The following ZNF248 variants were observed in gnomAD, a reference collection of about 807,000 sequenced individuals.
The protein encoded by ZNF248 is zinc finger protein 248.
In ZNF248, 20 loss-of-function variants were observed where a neutral mutation model predicts 44.3. The observed-to-expected ratio is 0.45, with a 90% CI of 0.32 to 0.66. The LOEUF (loss-of-function observed/expected upper bound fraction) is 0.66. ZNF248 is among the 30% of genes least tolerant of loss of function. The probability of loss-of-function intolerance (pLI) is 0.04; values close to 1 mark genes in which losing one functional copy is unlikely to be tolerated. For missense variants in ZNF248, 654 were observed against 677.0 expected (o/e 0.97, Z 0.38); for synonymous variants, 224 against 229.0 (o/e 0.98, Z 0.20).
At chr10:37,844,665 A>T (rs1478518445) in intron 3 of ZNF248, among the ~76,000 whole-genome samples, 1 of 152,204 alleles carries the variant, frequency 6.6e-6, no homozygotes, top group African/African-American at 2.4e-5. Context: ...TATTTAAACT[A>T]GATTGTTATA....
the ZNF248 span, among the ~76,000 whole-genome samples, chr10:37,765,143 G>T: frequency 6.5e-3 from 993 of 152,068 alleles, 8 homozygotes; most frequent in African/African-American, 0.021. Context: ...TTTTAGTAGA[G>T]ACAGGGTTTC....
the ZNF248 span, among the ~76,000 whole-genome samples, chr10:37,770,644 T>C: frequency 2.0e-5 from 3 of 152,164 alleles, no homozygotes; most frequent in Non-Finnish European, 4.4e-5. Flanking sequence ...AAGACTTACA[T>C]GTTAGACCTA....
rs779953370 is a variant in ZNF248, at chr10:37,831,622, G to A, written c.1733C>T (p.Thr578Ile). 6.2e-7 allele frequency: 1 copy of A among 1,612,316 alleles called. No individual in the cohort carries two copies. Among genetic ancestry groups the A allele is most frequent in the South Asian group, 1.1e-5 (1 of 91,028 alleles). ...TATGAAGGCTTCTAACATTCAGGAT[G>A]TTGAAAGAGCTTTCACCCTTGTGTG... Reference protein sequence around the residue: ...RIHTRVKALSTS With the variant: ...RIHTRVKALSIS The change falls in exon 6 of 6, where the codon ACA becomes ATA. Residue 578 changes from threonine to isoleucine, a missense_variant. Coordinates refer to ENST00000395867, the MANE Select transcript of ZNF248 (RefSeq NM_021045.3).
intron 6 of ZNF248, among the ~76,000 whole-genome samples, chr10:37,778,221 C>T (rs1409210517): frequency 1.1e-4 from 16 of 151,218 alleles, no homozygotes; most frequent in South Asian, 2.1e-4. Context: ...TTTTAATGAT[C>T]GCCATTCTAA....
intron 5 of ZNF248, among the ~76,000 whole-genome samples, chr10:37,834,815 G>C (rs1047954690): frequency 1.3e-5 from 2 of 152,252 alleles, no homozygotes; most frequent in East Asian, 1.9e-4. Flanking sequence ...AACAAGAACG[G>C]AAGTTTTCCA....
intron 6 of ZNF248, chr10:37,820,613 G>A: frequency 6.3e-7 from 1 of 1,575,796 alleles, no homozygotes; most frequent in Non-Finnish European, 8.7e-7. Context: ...TCCCCCAGCA[G>A]TGCCTTTCCC....
At chr10:37,822,270 G>C (rs544909712) in intron 6 of ZNF248, among the ~76,000 whole-genome samples, 2 of 152,064 alleles carry the variant, frequency 1.3e-5, no homozygotes, top group Non-Finnish European at 2.9e-5. Context: ...CACAAACTGC[G>C]TATCAATTTC....
At chr10:37,793,060 G>A (rs538155662) in intron 6 of ZNF248, among the ~76,000 whole-genome samples, 4 of 152,114 alleles carry the variant, frequency 2.6e-5, no homozygotes, top group African/African-American at 7.2e-5. Context: ...TTGGCCGGGC[G>A]CGGTGGCTCA....
At chr10:37,845,204 T>C (rs191044468) in intron 3 of ZNF248, among the ~76,000 whole-genome samples, 1 of 151,818 alleles carries the variant, frequency 6.6e-6, no homozygotes, top group African/African-American at 2.4e-5. Flanking sequence ...GTATTTTTTG[T>C]AGAGACAGGG....
chr10:37,833,465 G>A (rs1260179299), intron 5 of ZNF248, among the ~76,000 whole-genome samples: 1 of 152,184 alleles, frequency 6.6e-6, no homozygotes, highest in East Asian at 1.9e-4. Flanking sequence ...GAACCCAACA[G>A]AGACAATGAA....
At chr10:37,774,924 C>T (rs530607539), downstream of ZNF248, among the ~76,000 whole-genome samples, 1 of 152,148 alleles carries the variant, frequency 6.6e-6, no homozygotes, top group South Asian at 2.1e-4. Context: ...GGCCACGCCA[C>T]CACACCTGAC....
chr10:37,837,734 G>C, intron 4 of ZNF248, 22 bp from the exon 5 acceptor site: 1 of 1,605,618 alleles, frequency 6.2e-7, no homozygotes, highest in Non-Finnish European at 8.5e-7. Context: ...AAATACCACA[G>C]GACTAGAGCT....
chr10:37,843,577 A>G (rs2058747834), intron 3 of ZNF248, among the ~76,000 whole-genome samples: 1 of 152,206 alleles, frequency 6.6e-6, no homozygotes, highest in Non-Finnish European at 1.5e-5. Context: ...GAGCCTACTC[A>G]AGGAAAACAA....
chr10:37,826,436 G>T (rs2054402920), downstream of ZNF248, among the ~76,000 whole-genome samples: 2 of 152,234 alleles, frequency 1.3e-5, no homozygotes, highest in African/African-American at 4.8e-5. Context: ...ACTCCATGTT[G>T]TTTCATGGTT....
chr10:37,838,141 T>C lies in ZNF248; in HGVS notation c.16-30A>G, dbSNP rs758061129. ...AATAGTATACTCTTTTTACATGAAA[T>C]GGTCAGAACTAGATGATACAGAAAA... On this transcript the variant is annotated intron_variant, in intron 3 of 5. Coordinates refer to ENST00000395867, the MANE Select transcript of ZNF248 (RefSeq NM_021045.3). The C allele has an allele frequency of 3.1e-6, 5 of 1,596,422 alleles. No individual in the cohort carries two copies. In the Admixed American group the frequency reaches 8.5e-5, roughly 27 times the overall value.
chr10:37,850,599 T>C (rs1320202606), intron 3 of ZNF248, among the ~76,000 whole-genome samples: 1 of 152,148 alleles, frequency 6.6e-6, no homozygotes, highest in East Asian at 1.9e-4. Flanking sequence ...CACAGACACA[T>C]ACACCAATGG....
chr10:37,825,251 G>T (rs763905599), downstream of ZNF248, among the ~76,000 whole-genome samples: 9 of 152,056 alleles, frequency 5.9e-5, no homozygotes, highest in Non-Finnish European at 1.0e-4. Flanking sequence ...ATTAAAGTGA[G>T]CCTAGTGATA....
chr10:37,850,215 C>T (rs562663684), intron 3 of ZNF248, among the ~76,000 whole-genome samples: 2 of 152,308 alleles, frequency 1.3e-5, no homozygotes, highest in South Asian at 2.1e-4. Flanking sequence ...TCTCTTTGAA[C>T]AGCGTTTGCA....
At chr10:37,767,337 T>C in the ZNF248 span, among the ~76,000 whole-genome samples, 1 of 151,910 alleles carries the variant, frequency 6.6e-6, no homozygotes, top group Non-Finnish European at 1.5e-5. Context: ...TTCACCAAAG[T>C]TGAAATGAAG....
Sources: gnomAD v4.1 joint callset for allele counts (sites outside exome capture counted in the v4.1 genomes callset) on GRCh38, gnomAD v4.1.1 for gene constraint, MANE v1.5 for transcripts, NCBI Gene and HGNC (gene_info 2026-07-23, HGNC 2026-07-21) for gene names.